LAMA3: variants seen among roughly 807,000 people sequenced by gnomAD.
LAMA3 encodes the protein laminin subunit alpha-3.
In LAMA3, 281 loss-of-function variants were observed where a neutral mutation model predicts 402.0. The observed-to-expected ratio is 0.70, with a 90% CI of 0.63 to 0.77. LAMA3 has a LOEUF of 0.77. LAMA3 is among the 30% of genes least tolerant of loss of function. The probability of loss-of-function intolerance (pLI) is 0.00; values close to 1 mark genes in which losing one functional copy is unlikely to be tolerated. For synonymous variants in LAMA3, 1,431 were observed against 1,558.4 expected, an observed-to-expected ratio of 0.92 and a Z score of 1.93; for missense variants, 3,840 against 4,215.5, an observed-to-expected ratio of 0.91 and a Z score of 2.47.
At chr18:23,703,249 G>T (rs2060824243) in intron 1 of LAMA3, among the ~76,000 whole-genome samples, 1 of 152,094 alleles carries the variant, frequency 6.6e-6, no homozygotes, top group Admixed American at 6.6e-5. Context: ...TTCCAATGGT[G>T]GTATGATCAC....
intron 8 of LAMA3, among the ~76,000 whole-genome samples, chr18:23,768,123 T>C (rs1259692300): frequency 1.3e-5 from 2 of 150,260 alleles, no homozygotes; most frequent in African/African-American, 4.9e-5. Context: ...AAACAAAAAA[T>C]TGACAAATGG....
Position 23,837,050 on chromosome 18 carries a change from A to G in LAMA3, c.3054A>G (p.Ala1018=). ...RIAMYELLAD[A]DIQLKGHMAR... The stretch of plus-strand genomic sequence containing the variant: ...CCATGTATGAGCTATTGGCAGATGC[A>G]GACATTCAGCTCAAGGGACACATGG... The change falls in exon 25 of 75, where the codon GCA becomes GCG. Residue 1018 remains alanine (A), a synonymous_variant. Coordinates refer to ENST00000313654, the MANE Select transcript of LAMA3 (RefSeq NM_198129.4). 4 of 1,613,860 alleles carry G rather than the reference A, an allele frequency of 2.5e-6. No homozygotes were observed. The highest frequency in any genetic ancestry group is 3.4e-6 in the Non-Finnish European group (4 of 1,179,740).
At chr18:23,904,806 A>G (rs565687499) in intron 51 of LAMA3, 112 bp downstream of exon 51, 111 of 1,199,672 alleles carry the variant, frequency 9.3e-5, no homozygotes, top group Non-Finnish European at 1.2e-4. Context: ...TTAAATCAGA[A>G]CTTGTTGTAT....
chr18:23,873,175 G>A (rs781752319), intron 38 of LAMA3: 4 of 1,614,248 alleles, frequency 2.5e-6, no homozygotes, highest in Non-Finnish European at 3.4e-6. Flanking sequence ...CCCGGTCAAA[G>A]TCAACTGCAA....
intron 39 of LAMA3, among the ~76,000 whole-genome samples, chr18:23,880,279 T>C (rs920022736): frequency 1.3e-5 from 2 of 152,222 alleles, no homozygotes; most frequent in Non-Finnish European, 2.9e-5. Flanking sequence ...TTTCTGATGA[T>C]AAGCAAATGT....
intron 6 of LAMA3, among the ~76,000 whole-genome samples, chr18:23,754,353 G>A (rs1009780130): frequency 6.6e-6 from 1 of 152,086 alleles, no homozygotes; most frequent in Non-Finnish European, 1.5e-5. Flanking sequence ...ACTGGCCCCT[G>A]GCAACCATCA....
chr18:23,882,397 AG>A (rs2064928586), intron 40 of LAMA3, among the ~76,000 whole-genome samples: 1 of 152,114 alleles, frequency 6.6e-6, no homozygotes, highest in South Asian at 2.1e-4. Context: ...TAGAGGGCCG[AG>A]GAGGGCGGAT....
intron 21 of LAMA3, 28 bp downstream of exon 21, chr18:23,824,593 C>T (rs774048721): frequency 6.2e-7 from 1 of 1,612,608 alleles, no homozygotes; most frequent in Non-Finnish European, 8.5e-7. Context: ...ATGGAGAGCT[C>T]CTGCGGGATT....
intron 52 of LAMA3, among the ~76,000 whole-genome samples, chr18:23,906,475 A>G (rs1162774034): frequency 6.6e-6 from 1 of 152,136 alleles, no homozygotes; most frequent in African/African-American, 2.4e-5. Flanking sequence ...CAATCTCACC[A>G]AATTTCTGTG....
At chr18:23,710,298 G>A in intron 1 of LAMA3, 1 of 499,418 alleles carries the variant, frequency 2.0e-6, no homozygotes, top group Non-Finnish European at 3.6e-6. Context: ...CTTGTGAAAA[G>A]ACCGCAAGTT....
Position 23,950,078 on chromosome 18 carries a change from C to T in LAMA3, c.9561C>T (p.Arg3187=), listed in dbSNP as rs778900033. ...GPEFKLVFSI[R]PRSLTGILIH... is the part of the protein sequence containing the mutation. ...AATTTAAGCTTGTTTTCAGCATCCG[C>T]CCAAGAAGTCTCACTGGGATCCTAA... Residue 3187 remains arginine (R), a synonymous_variant, in exon 72 of 75, where the codon CGC becomes CGT. Transcript: ENST00000313654. 1.2e-6 allele frequency: 2 copies of T among 1,614,118 alleles called. No homozygotes were observed. Among genetic ancestry groups the T allele is most frequent in the Admixed American group, 3.3e-5 (2 of 60,008 alleles).
chr18:23,734,350 C>T (rs1483339102), intron 2 of LAMA3, among the ~76,000 whole-genome samples: 1 of 152,164 alleles, frequency 6.6e-6, no homozygotes, highest in African/African-American at 2.4e-5. Flanking sequence ...AGGGATCTTC[C>T]GGACAATACA....
At chr18:23,728,216 C>T (rs932724345) in intron 2 of LAMA3, among the ~76,000 whole-genome samples, 1 of 152,194 alleles carries the variant, frequency 6.6e-6, no homozygotes, top group African/African-American at 2.4e-5. Flanking sequence ...AGTCTCCCTC[C>T]TATCTGTCCA....
intron 65 of LAMA3, 106 bp downstream of exon 65, chr18:23,931,307 A>C: frequency 1.1e-6 from 1 of 917,670 alleles, no homozygotes; most frequent in Non-Finnish European, 1.8e-6. Flanking sequence ...TTGATACCAA[A>C]AATACTTCAC....
At chr18:23,727,450 C>T (rs2061319594) in intron 2 of LAMA3, among the ~76,000 whole-genome samples, 1 of 152,148 alleles carries the variant, frequency 6.6e-6, no homozygotes, top group South Asian at 2.1e-4. Context: ...CTCAGCCTCC[C>T]CAGTAGCTGG....
chr18:23,805,818 A>G (rs2062952087), intron 12 of LAMA3, among the ~76,000 whole-genome samples: 1 of 152,194 alleles, frequency 6.6e-6, no homozygotes, highest in African/African-American at 2.4e-5. Flanking sequence ...CCTTTGGAAA[A>G]GGCTGGGAGA....
intron 2 of LAMA3, among the ~76,000 whole-genome samples, chr18:23,739,640 A>G (rs2061530784): frequency 6.6e-6 from 1 of 152,256 alleles, no homozygotes; most frequent in Admixed American, 6.5e-5. Flanking sequence ...AGTGCAGACC[A>G]GAAATGTTAA....
Position 23,833,843 on chromosome 18 carries a change from C to A in LAMA3, c.2839C>A (p.Arg947=). The A allele has an allele frequency of 6.2e-7, 1 of 1,613,218 alleles. No homozygotes were observed. The highest frequency in any genetic ancestry group is 8.5e-7 in the Non-Finnish European group (1 of 1,180,022). The change falls in exon 24 of 75, where the codon CGG becomes AGG. Residue 947 remains arginine, a synonymous_variant. Transcript: ENST00000313654. Reference sequence around the variant, plus strand: ...TCTGTGACAGGTGGAATTGCATCTGCGGCTGCGCATCCCACAGGTTGGCCA... The same window carrying A: ...TCTGTGACAGGTGGAATTGCATCTGAGGCTGCGCATCCCACAGGTTGGCCA... ...LSGREVELHL[R]LRIPQVGHYV...
chr18:23,809,926 T>C (rs1000009756), intron 12 of LAMA3, among the ~76,000 whole-genome samples: 6 of 152,086 alleles, frequency 3.9e-5, no homozygotes, highest in Non-Finnish European at 8.8e-5. Context: ...GGCCCTCCAG[T>C]GAGTCACATC....
Sources: gnomAD v4.1 joint callset for allele counts (sites outside exome capture counted in the v4.1 genomes callset) on GRCh38, gnomAD v4.1.1 for gene constraint, MANE v1.5 for transcripts, NCBI Gene and HGNC (gene_info 2026-07-23, HGNC 2026-07-21) for gene names.